ADAMTS18: variants seen among roughly 807,000 people sequenced by gnomAD.
ADAMTS18 encodes A disintegrin and metalloproteinase with thrombospondin motifs 18.
ADAMTS18 carries 157 observed loss-of-function variants against 165.9 expected under a neutral mutation model. The ratio of observed to expected loss-of-function variants is 0.95; its 90% CI spans 0.83 to 1.08. ADAMTS18 has a LOEUF of 1.08. Ranked by LOEUF, ADAMTS18 falls within the 50% of genes least tolerant of loss-of-function variation. ADAMTS18 has a pLI of 0.00. For synonymous variants in ADAMTS18, 782 were observed against 578.2 expected, an observed-to-expected ratio of 1.35 and a Z score of -5.06; for missense variants, 2,040 against 1,534.0, an observed-to-expected ratio of 1.33 and a Z score of -5.51.
At chr16:77,433,793 C>A (rs1456131927) in intron 2 of ADAMTS18, among the ~76,000 whole-genome samples, 1 of 152,104 alleles carries the variant, frequency 6.6e-6, no homozygotes, top group Admixed American at 6.5e-5. Flanking sequence ...TCCCTCTGGG[C>A]TCCACTGGGA....
intron 3 of ADAMTS18, among the ~76,000 whole-genome samples, chr16:77,386,424 T>G (rs2144780956): frequency 6.6e-6 from 1 of 152,338 alleles, no homozygotes; most frequent in East Asian, 1.9e-4. Context: ...CTGTGCTAAC[T>G]TTTCCCTAGA....
At chr16:77,416,196 G>A (rs995269793) in intron 3 of ADAMTS18, among the ~76,000 whole-genome samples, 1 of 152,180 alleles carries the variant, frequency 6.6e-6, no homozygotes, top group South Asian at 2.1e-4. Context: ...GGATACCTGG[G>A]GGAAGAGCAT....
At chr16:77,295,227 T>A (rs1322896559) in intron 18 of ADAMTS18, 100 bp from the exon 19 acceptor site, 3 of 1,215,776 alleles carry the variant, frequency 2.5e-6, no homozygotes, top group African/African-American at 1.5e-5. Flanking sequence ...AAGCCATGAA[T>A]CAATTTCAGA....
At chr16:77,387,413 A>C (rs1429002726) in intron 3 of ADAMTS18, among the ~76,000 whole-genome samples, 2 of 152,302 alleles carry the variant, frequency 1.3e-5, no homozygotes, top group East Asian at 3.9e-4. Flanking sequence ...AAATATGTCT[A>C]GGCTTCCAGA....
chr16:77,297,245 T>C (rs1458031933), intron 18 of ADAMTS18, 44 bp downstream of exon 18: 3 of 1,612,168 alleles, frequency 1.9e-6, no homozygotes, highest in Non-Finnish European at 2.5e-6. Context: ...AATGAAGGCA[T>C]ACAAGTACAA....
rs1386098634 is a variant in ADAMTS18, at chr16:77,322,360, A to G, written c.2139T>C (p.Asp713=). 6.2e-7 allele frequency: 1 copy of G among 1,613,900 alleles called. No individual in the cohort carries two copies. The highest frequency in any genetic ancestry group is 1.1e-5 in the South Asian group (1 of 91,068). ...CTTCACAAACCCCGTCAATACAAAC[A>G]TCATTTTTGTTTGGGGAGCAGGGAG... ...DGTPCSPNKN[D]VCIDGVCELV... The change falls in exon 14 of 23, where the codon GAT becomes GAC. Residue 713 remains aspartate (D), a synonymous_variant. Coordinates refer to ENST00000282849, the MANE Select transcript of ADAMTS18 (RefSeq NM_199355.4).
intron 6 of ADAMTS18, among the ~76,000 whole-genome samples, chr16:77,363,502 A>G (rs527483438): frequency 6.7e-6 from 1 of 149,612 alleles, no homozygotes; most frequent in African/African-American, 2.5e-5. Flanking sequence ...TTTATGTAAC[A>G]TATTTATATT....
chr16:77,333,543 CA>C (rs1307705571), intron 12 of ADAMTS18, among the ~76,000 whole-genome samples: 3 of 148,822 alleles, frequency 2.0e-5, no homozygotes, highest in African/African-American at 4.9e-5. Context: ...TGTAAATCAG[CA>C]CGGTGGTTCC....
At chr16:77,341,594 C>A in intron 11 of ADAMTS18, 110 bp downstream of exon 11, 1 of 870,374 alleles carries the variant, frequency 1.1e-6, no homozygotes, top group Non-Finnish European at 1.9e-6. Flanking sequence ...GAAGAGAAGT[C>A]AGAGAATATA....
At chr16:77,340,325 C>T (rs1353735442) in intron 11 of ADAMTS18, among the ~76,000 whole-genome samples, 4 of 152,112 alleles carry the variant, frequency 2.6e-5, no homozygotes, top group African/African-American at 9.7e-5. Context: ...CAGGTGTGTG[C>T]CACCACGCCC....
chr16:77,307,684 T>C (rs2055706158), intron 16 of ADAMTS18, among the ~76,000 whole-genome samples: 2 of 152,210 alleles, frequency 1.3e-5, no homozygotes, highest in South Asian at 4.1e-4. Context: ...TATTCTATCA[T>C]CTGTTCTGAA....
In ADAMTS18 at chr16:77,415,725, C is replaced by CAAAAAAAAAAA. The variant is rs71137817; in HGVS notation, c.495+15559_495+15569dup. ...ACTGGAGTAATGAATGCTGGGTAGG[C>CAAAAAAAAAAA]AAAAAAAAAAAAAAAAATCAGAGGT... On this transcript the variant is annotated intron_variant, in intron 3 of 22. Coordinates refer to ENST00000282849, the MANE Select transcript of ADAMTS18 (RefSeq NM_199355.4). 3.3e-3 allele frequency among the ~76,000 whole-genome samples: 333 copies of CAAAAAAAAAAA among 101,894 alleles called. 12 individuals are homozygous for CAAAAAAAAAAA. The highest frequency in any genetic ancestry group is 0.011 in the African/African-American group (293 of 26,320). 66.8% of individuals were successfully genotyped at this position (101,894 alleles called of 152,430 possible).
intron 3 of ADAMTS18, among the ~76,000 whole-genome samples, chr16:77,416,364 C>T (rs560015717): frequency 3.9e-5 from 6 of 152,234 alleles, no homozygotes; most frequent in South Asian, 4.2e-4. Context: ...TATACTGATA[C>T]GGTTGGGCTA....
In ADAMTS18 at chr16:77,396,611, C is replaced by T. The variant is rs892510266; in HGVS notation, c.496-28888G>A. On this transcript the variant is annotated intron_variant, in intron 3 of 22. Transcript: ENST00000282849. Reference sequence around the variant, plus strand: ...AATGTTGAAGCTGGTCAAGAGAAAACCTGCAGAGAGGAAGTTCAAAATTCC... The same window carrying T: ...AATGTTGAAGCTGGTCAAGAGAAAATCTGCAGAGAGGAAGTTCAAAATTCC... Among the ~76,000 whole-genome samples, 7 of 152,190 alleles carry T rather than the reference C, an allele frequency of 4.6e-5. 1 individual carries two copies. The South Asian group carries it at 1.5e-3, about 32-fold the overall frequency.
intron 21 of ADAMTS18, among the ~76,000 whole-genome samples, chr16:77,289,776 T>C (rs147351211): frequency 4.6e-5 from 7 of 152,254 alleles, no homozygotes; most frequent in Admixed American, 4.6e-4. Flanking sequence ...CCAGACAATC[T>C]GTGCAGCTGC....
chr16:77,422,559 A>C (rs961817303), intron 3 of ADAMTS18, among the ~76,000 whole-genome samples: 1 of 150,530 alleles, frequency 6.6e-6, no homozygotes, highest in Non-Finnish European at 1.5e-5. Context: ...AGAGGAAGGA[A>C]GGGAGGGAGA....
chr16:77,346,040 T>C (rs1037466014), intron 10 of ADAMTS18, among the ~76,000 whole-genome samples: 13 of 152,218 alleles, frequency 8.5e-5, no homozygotes, highest in Middle Eastern at 3.4e-3. Flanking sequence ...CACTCAAATT[T>C]TGCTCCCAAA....
intron 3 of ADAMTS18, among the ~76,000 whole-genome samples, chr16:77,386,935 G>C (rs1597209852): frequency 6.6e-6 from 1 of 152,134 alleles, no homozygotes; most frequent in Non-Finnish European, 1.5e-5. Context: ...ACAAACTACA[G>C]AAGTCTGCAA....
chr16:77,434,321 T>G (rs2057770889), intron 2 of ADAMTS18, 97 bp downstream of exon 2: 66 of 1,328,342 alleles, frequency 5.0e-5, no homozygotes, highest in African/African-American at 7.3e-5. Flanking sequence ...ACCTGCCAGG[T>G]TAGGGGGTGC....
Sources: allele counts gnomAD v4.1 joint callset (sites outside exome capture counted in the v4.1 genomes callset), GRCh38; gene constraint gnomAD v4.1.1; transcripts MANE v1.5; gene names NCBI Gene and HGNC (gene_info 2026-07-23, HGNC 2026-07-21).